TESMIN: variants seen among roughly 807,000 people sequenced by gnomAD.
The protein encoded by TESMIN is CXC domain containing 2.
Under a neutral mutation model 47.4 loss-of-function variants are expected in TESMIN, and 34 were observed. That is an observed-to-expected ratio of 0.72 (90% CI 0.55 to 0.96). The LOEUF is 0.96. Among genes scored for constraint, TESMIN ranks in the 40% least tolerant of loss-of-function variants. The pLI is 0.00. For synonymous variants in TESMIN, 278 were observed against 258.9 expected (o/e 1.07, Z -0.71); for missense variants, 610 against 637.2 (o/e 0.96, Z 0.46).
chr11:68,712,265 G>A (rs951534403), intron 8 of TESMIN, among the ~76,000 whole-genome samples: 3 of 152,224 alleles, frequency 2.0e-5, no homozygotes, highest in African/African-American at 7.2e-5. Flanking sequence ...CTGTGGGTGC[G>A]ATTGGAAGTG....
Position 68,713,419 on chromosome 11 carries a change from T to C in TESMIN, c.1021-12A>G, listed in dbSNP as rs1437820016. 6.2e-7 allele frequency: 1 copy of C among 1,613,440 alleles called. No homozygotes were observed. The highest frequency in any genetic ancestry group is 1.1e-5 in the South Asian group (1 of 90,962). Reference sequence around the variant, plus strand: ...CTACCAAGACATGCCTAGGGTAGAATGGGAAGCTCCATCAGGATGGATTTT... The same window carrying C: ...CTACCAAGACATGCCTAGGGTAGAACGGGAAGCTCCATCAGGATGGATTTT... On this transcript the variant is annotated splice_polypyrimidine_tract_variant and intron_variant, in intron 7 of 9. Transcript: ENST00000255087.
intron 7 of TESMIN, 54 bp downstream of exon 7, chr11:68,715,783 C>A: frequency 7.7e-7 from 1 of 1,299,098 alleles, no homozygotes; most frequent in Non-Finnish European, 1.1e-6. Flanking sequence ...TTATGAACAT[C>A]TCAAACAGTT....
chr11:68,719,845 G>A (rs1449456697), intron 6 of TESMIN, among the ~76,000 whole-genome samples: 1 of 152,222 alleles, frequency 6.6e-6, no homozygotes, highest in Non-Finnish European at 1.5e-5. Context: ...AGGCTAACGT[G>A]TCTGTCTGGT....
chr11:68,710,739 A>G (rs10750832), intron 9 of TESMIN, 135 bp downstream of exon 9: 595,117 of 833,750 alleles, frequency 0.71, 214,510 homozygotes, highest in East Asian at 0.84. Flanking sequence ...GGGAGGAACG[A>G]CTTCCCTCTG....
At chr11:68,715,971 C>T in intron 6 of TESMIN, 32 bp from the exon 7 acceptor site, 2 of 1,367,082 alleles carry the variant, frequency 1.5e-6, no homozygotes. Context: ...GAGTGGCAGG[C>T]ACAGACGGCA....
chr11:68,750,219 C>A lies in TESMIN; in HGVS notation c.442G>T (p.Ala148Ser). 6.7e-7 allele frequency: 1 copy of A among 1,501,552 alleles called. No homozygotes were observed. The highest frequency in any genetic ancestry group is 8.8e-7 in the Non-Finnish European group (1 of 1,137,118). 93.0% of individuals were successfully genotyped at this position (1,501,552 alleles called of 1,614,324 possible). A position where few individuals can be genotyped will look rare whatever the true frequency, so the allele number is the denominator to read the frequency against. The change falls in exon 2 of 10, where the codon GCC (alanine) becomes TCC (serine). Residue 148 changes from alanine (A) to serine (S), a missense_variant. Transcript: ENST00000255087. The stretch of plus-strand genomic sequence containing the variant: ...ATCATGCGGACGCCCGGGTGGGAGG[C>A]TCCTTCCAGGACCCAGGCGCCCAGG... ...LPLGAWVLEG[A>S]SHPGVRMIPV...
At chr11:68,710,841 C>T in intron 9 of TESMIN, 33 bp downstream of exon 9, 1 of 1,561,038 alleles carries the variant, frequency 6.4e-7, no homozygotes, top group Middle Eastern at 1.7e-4. Context: ...CCTCTGTTCC[C>T]TCTATTAGCA....
chr11:68,712,949 C>T (rs1409406800), intron 8 of TESMIN, among the ~76,000 whole-genome samples: 3 of 152,134 alleles, frequency 2.0e-5, no homozygotes, highest in Non-Finnish European at 2.9e-5. Context: ...GGAGCTTCCA[C>T]CCTGTTGGAG....
intron 4 of TESMIN, among the ~76,000 whole-genome samples, chr11:68,743,165 G>A (rs1230559618): frequency 2.0e-5 from 3 of 151,564 alleles, no homozygotes; most frequent in Non-Finnish European, 4.4e-5. Flanking sequence ...GCGTGAGCCA[G>A]CACTCCAGGC....
chr11:68,739,211 T>A (rs763423369), intron 5 of TESMIN, among the ~76,000 whole-genome samples: 30 of 152,244 alleles, frequency 2.0e-4, no homozygotes, highest in Non-Finnish European at 4.3e-4. Context: ...TTGGCAACCA[T>A]GATTTTTCAT....
chr11:68,727,643 C>A (rs1245013326), intron 6 of TESMIN, among the ~76,000 whole-genome samples: 1 of 152,150 alleles, frequency 6.6e-6, no homozygotes, highest in Non-Finnish European at 1.5e-5. Context: ...GCACTTTGTT[C>A]TATTGGGCTT....
At chr11:68,731,907 T>C (rs1388755165) in intron 6 of TESMIN, among the ~76,000 whole-genome samples, 2 of 152,236 alleles carry the variant, frequency 1.3e-5, no homozygotes, top group East Asian at 3.8e-4. Flanking sequence ...CAAATCACAA[T>C]GCATGATCAG....
downstream of TESMIN, among the ~76,000 whole-genome samples, chr11:68,706,486 G>C (rs546738816): frequency 6.6e-6 from 1 of 152,314 alleles, no homozygotes; most frequent in Non-Finnish European, 1.5e-5. Flanking sequence ...GCCACACCTG[G>C]TTCAGGATCT....
downstream of TESMIN, among the ~76,000 whole-genome samples, chr11:68,705,209 G>A (rs894721213): frequency 5.3e-5 from 8 of 152,240 alleles, no homozygotes; most frequent in Admixed American, 2.0e-4. Flanking sequence ...CCTCCTCCCT[G>A]CTTCGTCTTC....
intron 4 of TESMIN, among the ~76,000 whole-genome samples, chr11:68,744,156 G>A (rs1383714720): frequency 6.6e-6 from 1 of 152,166 alleles, no homozygotes; most frequent in Non-Finnish European, 1.5e-5. Context: ...GGGGAGACAG[G>A]GAGTCACGCT....
intron 4 of TESMIN, 37 bp downstream of exon 4, chr11:68,744,954 T>A: frequency 6.8e-7 from 1 of 1,472,892 alleles, no homozygotes; most frequent in South Asian, 1.3e-5. Flanking sequence ...CCAACTTACA[T>A]ATATGACATA....
chr11:68,743,786 G>A (rs1038542929), intron 4 of TESMIN, among the ~76,000 whole-genome samples: 6 of 152,194 alleles, frequency 3.9e-5, no homozygotes, highest in African/African-American at 1.4e-4. Context: ...CATCCTTTGA[G>A]TGAGGAATCT....
intron 6 of TESMIN, among the ~76,000 whole-genome samples, chr11:68,734,497 A>G (rs1012271749): frequency 1.2e-4 from 19 of 152,190 alleles, no homozygotes; most frequent in African/African-American, 4.3e-4. Flanking sequence ...TGTACAAAAC[A>G]CCATGTGACA....
intron 6 of TESMIN, among the ~76,000 whole-genome samples, chr11:68,725,877 G>A (rs1200746101): frequency 6.6e-6 from 1 of 152,106 alleles, no homozygotes; most frequent in Non-Finnish European, 1.5e-5. Context: ...AAACCTTTTA[G>A]ATGGCTACTT....
Sources: gnomAD v4.1 joint callset for allele counts (sites outside exome capture counted in the v4.1 genomes callset) on GRCh38, gnomAD v4.1.1 for gene constraint, MANE v1.5 for transcripts, NCBI Gene and HGNC (gene_info 2026-07-23, HGNC 2026-07-21) for gene names.